Variants in RGPD4 observed in about 807,000 individuals in gnomAD.
RGPD4 encodes the protein RANBP2 like and GRIP domain containing 4, also known as ranBP2-like and GRIP domain-containing protein 4.
Under a neutral mutation model 141.1 loss-of-function variants are expected in RGPD4, and 84 were observed. That is an observed-to-expected ratio of 0.60 (90% CI 0.50 to 0.71). RGPD4 has a LOEUF of 0.71. RGPD4 is among the 30% of genes least tolerant of loss of function. The probability of loss-of-function intolerance (pLI) is 0.00; values close to 1 mark genes in which losing one functional copy is unlikely to be tolerated. For missense variants in RGPD4, 918 were observed against 1,622.4 expected (o/e 0.57, Z 7.46); for synonymous variants, 298 against 566.8 (o/e 0.53, Z 6.74).
chr2:107,849,599 A>G (rs832002), intron 7 of RGPD4, among the ~76,000 whole-genome samples: 1 of 31,676 alleles, frequency 3.2e-5, no homozygotes, highest in Non-Finnish European at 6.7e-5. Context: ...CTCAATCTCC[A>G]GACCTAGTCA....
rs1573501575 is a variant in RGPD4, at chr2:107,859,730, A to C, written c.1643A>C (p.Asn548Thr). ...ATTGAACTATTTTTTAGACCTGGAA[A>C]CTCAGCAAAATTGAGACTTTTAGTT... ...TLIHRKAVPG[N>T]SAKLRLLVQH... Residue 548 changes from asparagine (N) to threonine (T), a missense_variant, in exon 12 of 23, where the codon AAC becomes ACC. Asn to Thr is a moderately conservative substitution (Grantham distance 65). Coordinates refer to ENST00000408999, the MANE Select transcript of RGPD4 (RefSeq NM_182588.3). 2 of 1,611,252 alleles carry C rather than the reference A, an allele frequency of 1.2e-6. No homozygotes were observed. The highest frequency in any genetic ancestry group is 1.7e-5 in the Admixed American group (1 of 59,954).
chr2:107,844,930 G>T (rs1309172761), intron 6 of RGPD4, among the ~76,000 whole-genome samples: 1 of 129,318 alleles, frequency 7.7e-6, no homozygotes, highest in Non-Finnish European at 1.6e-5. Context: ...CTGCCTCCCG[G>T]GTTCAGGCGA....
chr2:107,845,466 G>C (rs1681891662), intron 6 of RGPD4, among the ~76,000 whole-genome samples: 1 of 150,462 alleles, frequency 6.6e-6, no homozygotes, highest in Admixed American at 6.6e-5. Flanking sequence ...CATGGGAATG[G>C]AGTCACTCGG....
intron 20 of RGPD4, among the ~76,000 whole-genome samples, chr2:107,874,200 G>T (rs1177065566): frequency 1.3e-5 from 2 of 151,638 alleles, no homozygotes; most frequent in Non-Finnish European, 2.9e-5. Flanking sequence ...TTCACATGTA[G>T]TGGCAACGGC....
intron 22 of RGPD4, among the ~76,000 whole-genome samples, chr2:107,886,084 T>A (rs1406492542): frequency 2.9e-5 from 4 of 135,832 alleles, no homozygotes; most frequent in South Asian, 2.4e-4. Flanking sequence ...AACTACAAGA[T>A]AGTTCAAAAG....
intron 7 of RGPD4, among the ~76,000 whole-genome samples, chr2:107,852,896 G>C (rs1293790856): frequency 2.1e-5 from 3 of 143,040 alleles, no homozygotes; most frequent in East Asian, 2.0e-4. Context: ...CCATTGTATG[G>C]ATGTACTGTA....
rs779202351 is a variant in RGPD4, at chr2:107,880,034, A to T, written c.4991A>T (p.Lys1664Ile). Residue 1664 changes from lysine to isoleucine, a missense_variant, in exon 21 of 23, where the codon AAA (lysine) becomes ATA (isoleucine). By Grantham distance (102) the Lys-to-Ile change is moderately radical (BLOSUM62 -3). Transcript: ENST00000408999. ...ELVQKLSSTTKSADHLNGLLR... is the reference protein window; with the variant it reads ...ELVQKLSSTTISADHLNGLLR... ...GTTCAGAAGCTCAGTTCCACCACAA[A>T]AAGTGCAGATCACTTAAACGGCCTG... The T allele has an allele frequency of 6.2e-7, 1 of 1,611,418 alleles. No individual in the cohort carries two copies. Among genetic ancestry groups the T allele is most frequent in the South Asian group, 1.1e-5 (1 of 90,980 alleles).
chr2:107,885,816 G>A (rs942169862), intron 22 of RGPD4, among the ~76,000 whole-genome samples: 1 of 151,924 alleles, frequency 6.6e-6, no homozygotes, highest in Non-Finnish European at 1.5e-5. Context: ...ACTTTGGGAG[G>A]CTGAGGAGGG....
In RGPD4 at chr2:107,854,763, C is replaced by T. The variant is rs1466510249; in HGVS notation, c.1066+120C>T. 57 of 1,438,840 alleles carry T rather than the reference C, an allele frequency of 4.0e-5. 2 individuals carry two copies. The highest frequency in any genetic ancestry group is 5.5e-5 in the South Asian group (4 of 72,180). The allele number at this position is 1,438,840 out of a possible 1,614,324, so 89.1% of individuals were successfully genotyped here. On this transcript the variant is annotated intron_variant, in intron 8 of 22. Transcript: ENST00000408999. ...ATTTGTCAAAATTATTTCTTTTCGCCGTATCAGTTAAGAGCAATAGGTATG... is the reference window on the plus strand; with the variant it reads ...ATTTGTCAAAATTATTTCTTTTCGCTGTATCAGTTAAGAGCAATAGGTATG...
intron 1 of RGPD4, among the ~76,000 whole-genome samples, chr2:107,833,779 C>T (rs1020595648): frequency 7.9e-5 from 12 of 152,158 alleles, no homozygotes; most frequent in South Asian, 2.1e-4. Flanking sequence ...TGGCTGACGC[C>T]TGTAATCCCA....
intron 22 of RGPD4, among the ~76,000 whole-genome samples, chr2:107,883,587 A>T (rs1309190435): frequency 1.4e-5 from 2 of 144,728 alleles, no homozygotes; most frequent in African/African-American, 5.3e-5. Flanking sequence ...CTGTCACACC[A>T]CTGTACTCCA....
Position 107,891,293 on chromosome 2 carries a change from C to T in RGPD4, c.*562C>T, listed in dbSNP as rs1251630807. 2.0e-4 allele frequency among the ~76,000 whole-genome samples: 26 copies of T among 130,718 alleles called. No homozygotes were observed. The highest frequency in any genetic ancestry group is 2.2e-4 in the Admixed American group (3 of 13,344). The allele number at this position is 130,718 out of a possible 152,430, so 85.8% of individuals were successfully genotyped here. A position where few individuals can be genotyped will look rare whatever the true frequency, so the allele number is the denominator to read the frequency against. On this transcript the variant is annotated 3_prime_UTR_variant, in exon 23 of 23. Transcript: ENST00000408999. ...CTGCACTCCAGCTCGGGGAACAGAG[C>T]GAGACCTTGTCTCTAAAAATAATAA...
At chr2:107,830,523 C>G (rs184538494) in intron 1 of RGPD4, among the ~76,000 whole-genome samples, 1 of 152,090 alleles carries the variant, frequency 6.6e-6, no homozygotes, top group Non-Finnish European at 1.5e-5. Context: ...ATTATGGCAC[C>G]TCTCTTACAC....
chr2:107,847,101 G>C (rs1013132016), intron 6 of RGPD4, among the ~76,000 whole-genome samples: 1 of 148,818 alleles, frequency 6.7e-6, no homozygotes, highest in Non-Finnish European at 1.5e-5. Flanking sequence ...AATTAGCCGG[G>C]CATGTTGGTA....
intron 21 of RGPD4, among the ~76,000 whole-genome samples, chr2:107,882,076 G>T (rs1160047492): frequency 6.6e-6 from 1 of 151,830 alleles, no homozygotes; most frequent in East Asian, 1.9e-4. Flanking sequence ...CCAACCCATG[G>T]CTCCAGTTAT....
At chr2:107,888,306 C>T (rs1675563894) in intron 22 of RGPD4, among the ~76,000 whole-genome samples, 1 of 136,232 alleles carries the variant, frequency 7.3e-6, no homozygotes, top group Admixed American at 7.4e-5. Context: ...GAGAACACAG[C>T]AAAATTTTTA....
In RGPD4 at chr2:107,829,905, G is replaced by A. The variant is rs1045644765; in HGVS notation, c.72+2820G>A. 5.3e-5 allele frequency among the ~76,000 whole-genome samples: 8 copies of A among 152,022 alleles called. No homozygotes were observed. The East Asian group carries it at 1.4e-3, about 26-fold the overall frequency. ...CCTGGACATTTACTTTATATGCTGC[G>A]GCGGAGGTCGTACCTCCTTGGCCTG... is the stretch of plus-strand genomic sequence containing the variant. On this transcript the variant is annotated intron_variant, in intron 1 of 22. Transcript: ENST00000408999.
intron 20 of RGPD4, among the ~76,000 whole-genome samples, chr2:107,876,772 A>G (rs73951975): frequency 0.019 from 2,907 of 151,916 alleles, 158 homozygotes; most frequent in African/African-American, 0.067. Flanking sequence ...AGAATTTAGT[A>G]TATGCCAAAG....
At chr2:107,829,737 GGCTTGTTCCCGAC>G (rs1281801995) in intron 1 of RGPD4, among the ~76,000 whole-genome samples, 6 of 152,150 alleles carry the variant, frequency 3.9e-5, no homozygotes, top group African/African-American at 1.2e-4. Flanking sequence ...TCTTTCTCCC[GGCTTGTTCCCGAC>G]GCTTGTTCCC....
Sources: gnomAD v4.1 joint callset for allele counts (sites outside exome capture counted in the v4.1 genomes callset) on GRCh38, gnomAD v4.1.1 for gene constraint, MANE v1.5 for transcripts, NCBI Gene and HGNC (gene_info 2026-07-23, HGNC 2026-07-21) for gene names.